SLC4A10: variants seen among roughly 807,000 people sequenced by gnomAD.
SLC4A10 encodes sodium-driven chloride bicarbonate exchanger.
SLC4A10 carries 42 observed loss-of-function variants against 137.7 expected under a neutral mutation model. The observed-to-expected ratio is 0.30, with a 90% CI of 0.24 to 0.39. The LOEUF (loss-of-function observed/expected upper bound fraction) is 0.39, where lower values mean the gene tolerates loss of function less well. SLC4A10 is among the 10% of genes least tolerant of loss of function. The pLI is 1.00. For synonymous variants in SLC4A10, 474 were observed against 464.1 expected (o/e 1.02, Z -0.27); for missense variants, 925 against 1,355.0 (o/e 0.68, Z 4.98).
chr2:161,690,939 C>A (rs950605406), intron 1 of SLC4A10, among the ~76,000 whole-genome samples: 1 of 151,738 alleles, frequency 6.6e-6, no homozygotes, highest in African/African-American at 2.4e-5. Flanking sequence ...TATCCCAGAA[C>A]TTAAAGTAAA....
intron 16 of SLC4A10, among the ~76,000 whole-genome samples, chr2:161,943,620 T>G (rs1427371153): frequency 6.6e-6 from 1 of 152,086 alleles, no homozygotes; most frequent in Non-Finnish European, 1.5e-5. Flanking sequence ...TCTTGTAATT[T>G]GAAAATGTGT....
intron 15 of SLC4A10, among the ~76,000 whole-genome samples, chr2:161,909,701 CT>C (rs59666489): frequency 0.067 from 10,212 of 152,118 alleles, 446 homozygotes; most frequent in East Asian, 0.13. Flanking sequence ...CAAAATCAAT[CT>C]TTTTTTTGCT....
intron 10 of SLC4A10, among the ~76,000 whole-genome samples, chr2:161,890,114 A>G (rs1351605479): frequency 6.6e-6 from 1 of 152,118 alleles, no homozygotes; most frequent in Non-Finnish European, 1.5e-5. Context: ...GAGTTTCTTA[A>G]TCCTGAGTTC....
Position 161,977,757 on chromosome 2 carries a change from A to C in SLC4A10, c.*23A>C. On this transcript the variant is annotated 3_prime_UTR_variant, in exon 26 of 27. Coordinates refer to ENST00000446997, the MANE Select transcript of SLC4A10 (RefSeq NM_001178015.2). ...TAATCACTCTAGAAGCTGATTCCCCAAAGGTAAGACCCTCTCCCTCAAATC... is the reference window on the plus strand; with the variant it reads ...TAATCACTCTAGAAGCTGATTCCCCCAAGGTAAGACCCTCTCCCTCAAATC... 3 of 1,594,034 alleles carry C rather than the reference A, an allele frequency of 1.9e-6. No individual in the cohort carries two copies. Among genetic ancestry groups the C allele is most frequent in the Non-Finnish European group, 2.6e-6 (3 of 1,172,626 alleles).
chr2:161,734,483 A>G (rs1313209108), intron 1 of SLC4A10, among the ~76,000 whole-genome samples: 1 of 151,984 alleles, frequency 6.6e-6, no homozygotes, highest in Non-Finnish European at 1.5e-5. Flanking sequence ...AGCCATGTGG[A>G]TATGTAAGTC....
intron 3 of SLC4A10, among the ~76,000 whole-genome samples, chr2:161,813,987 A>T (rs993498988): frequency 1.3e-5 from 2 of 152,100 alleles, no homozygotes; most frequent in Non-Finnish European, 2.9e-5. Context: ...AGCTCCACAG[A>T]AGGTTGATAT....
intron 1 of SLC4A10, among the ~76,000 whole-genome samples, chr2:161,730,857 G>C (rs1037026182): frequency 1.3e-5 from 2 of 152,108 alleles, no homozygotes; most frequent in African/African-American, 4.8e-5. Context: ...ATAACAACTG[G>C]TAAAGAGCTC....
intron 1 of SLC4A10, among the ~76,000 whole-genome samples, chr2:161,768,708 C>G (rs1559207234): frequency 6.6e-6 from 1 of 151,974 alleles, no homozygotes; most frequent in East Asian, 1.9e-4. Context: ...CTAACCAATA[C>G]CATAGGTCTC....
chr2:161,840,026 G>C lies in SLC4A10; in HGVS notation c.416+99G>C, dbSNP rs555784739. ...AACAATTTTGCAAACATCTATGATTGCTGCTGATTTTAGAAGTTGCTCATC... is the reference window on the plus strand; with the variant it reads ...AACAATTTTGCAAACATCTATGATTCCTGCTGATTTTAGAAGTTGCTCATC... On this transcript the variant is annotated intron_variant, in intron 4 of 26. Coordinates refer to ENST00000446997, the MANE Select transcript of SLC4A10 (RefSeq NM_001178015.2). 812 of 1,448,706 alleles carry C rather than the reference G, an allele frequency of 5.6e-4. 1 individual carries two copies. In the African/African-American group the frequency reaches 0.01, roughly 18 times the overall value. The allele number at this position is 1,448,706 out of a possible 1,614,324, so 89.7% of individuals were successfully genotyped here.
chr2:161,640,586 C>CTCTT (rs1207442606), intron 1 of SLC4A10, among the ~76,000 whole-genome samples: 2 of 149,832 alleles, frequency 1.3e-5, no homozygotes, highest in Non-Finnish European at 1.5e-5. Context: ...AGTAAGCTTT[C>CTCTT]TCTTTCTTTC....
At chr2:161,631,461 C>A (rs867157916) in intron 1 of SLC4A10, among the ~76,000 whole-genome samples, 13 of 151,672 alleles carry the variant, frequency 8.6e-5, no homozygotes, top group Middle Eastern at 3.4e-3. Flanking sequence ...TTCCTCCCCC[C>A]ACAAGAAATT....
Position 161,780,218 on chromosome 2 carries a change from A to T in SLC4A10, c.130+9164A>T, listed in dbSNP as rs186332843. Among the ~76,000 whole-genome samples the T allele has an allele frequency of 3.1e-3, 479 of 152,182 alleles. 2 individuals are homozygous for T. Among genetic ancestry groups the T allele is most frequent in the South Asian group, 0.014 (66 of 4,828 alleles). ...CAAAATATGTATTTATTATGTAAAG[A>T]CTCTATAGCTATGCTAAAAGAATAG... On this transcript the variant is annotated intron_variant, in intron 2 of 26. Transcript: ENST00000446997.
chr2:161,921,343 C>A (rs910867128), intron 15 of SLC4A10, among the ~76,000 whole-genome samples: 9 of 152,040 alleles, frequency 5.9e-5, no homozygotes, highest in African/African-American at 1.7e-4. Context: ...CTTAAAAGTT[C>A]TAATAAGTTT....
rs112462882 is a variant in SLC4A10, at chr2:161,909,043, G to A, written c.1997+3156G>A. Among the ~76,000 whole-genome samples, 550 of 139,276 alleles carry A rather than the reference G, an allele frequency of 3.9e-3. 5 individuals are homozygous for A. The highest frequency in any genetic ancestry group is 0.014 in the African/African-American group (528 of 37,066). The allele number at this position is 139,276 out of a possible 152,430, so 91.4% of individuals were successfully genotyped here. On this transcript the variant is annotated intron_variant, in intron 15 of 26. Coordinates refer to ENST00000446997, the MANE Select transcript of SLC4A10 (RefSeq NM_001178015.2). Reference sequence around the variant, plus strand: ...TGGGAATTGAACAATGAGAACACATGGACACAGGAAGGGGAACATCACACA... The same window carrying A: ...TGGGAATTGAACAATGAGAACACATAGACACAGGAAGGGGAACATCACACA...
chr2:161,631,491 C>A (rs1318138691), intron 1 of SLC4A10, among the ~76,000 whole-genome samples: 1 of 151,530 alleles, frequency 6.6e-6, no homozygotes, highest in Non-Finnish European at 1.5e-5. Flanking sequence ...AAATTTGATT[C>A]TGTTTGTCAA....
chr2:161,823,157 C>A (rs2057761413), intron 3 of SLC4A10, among the ~76,000 whole-genome samples: 1 of 152,096 alleles, frequency 6.6e-6, no homozygotes, highest in African/African-American at 2.4e-5. Flanking sequence ...CTACACAAAT[C>A]TATTATAAAA....
chr2:161,725,293 G>A (rs983559033), intron 1 of SLC4A10, among the ~76,000 whole-genome samples: 5 of 152,138 alleles, frequency 3.3e-5, no homozygotes, highest in African/African-American at 9.7e-5. Context: ...ACTTTTTGTA[G>A]CTGAGTGGTC....
intron 11 of SLC4A10, among the ~76,000 whole-genome samples, chr2:161,897,523 G>C (rs769872737): frequency 6.6e-6 from 1 of 151,856 alleles, no homozygotes; most frequent in Non-Finnish European, 1.5e-5. Context: ...ACTTAAAAAG[G>C]GTATCTCAAT....
chr2:161,891,649 G>C (rs6432703), intron 10 of SLC4A10, among the ~76,000 whole-genome samples: 49,443 of 151,606 alleles, frequency 0.33, 8,377 homozygotes, highest in Admixed American at 0.4. Context: ...GCTCCATCAG[G>C]TCATTTATAT....
Sources: gnomAD v4.1 joint callset for allele counts (sites outside exome capture counted in the v4.1 genomes callset) on GRCh38, gnomAD v4.1.1 for gene constraint, MANE v1.5 for transcripts, NCBI Gene and HGNC (gene_info 2026-07-23, HGNC 2026-07-21) for gene names.